The following FHOD3 variants were observed in gnomAD, a reference collection of about 807,000 sequenced individuals.
FHOD3 encodes formin homology 2 domain containing 3.
A neutral mutation model predicts 173.0 loss-of-function variants in FHOD3; 90 were observed. That is an observed-to-expected ratio of 0.52 (90% CI 0.44 to 0.62). The LOEUF is 0.62. FHOD3 is among the 20% of genes least tolerant of loss of function. The pLI is 0.00. For synonymous variants in FHOD3, 828 were observed against 823.0 expected, an observed-to-expected ratio of 1.01 and a Z score of -0.10; for missense variants, 1,945 against 2,034.7, an observed-to-expected ratio of 0.96 and a Z score of 0.85.
intron 23 of FHOD3, among the ~76,000 whole-genome samples, chr18:36,744,663 C>T (rs560996229): frequency 1.3e-5 from 2 of 152,320 alleles, no homozygotes; most frequent in East Asian, 1.9e-4. Context: ...TGATCTTGCC[C>T]AGAGGGAACA....
chr18:36,612,099 C>G lies in FHOD3; in HGVS notation c.957+4C>G, dbSNP rs906256113. On this transcript the variant is annotated splice_donor_region_variant and intron_variant, in intron 9 of 28. Coordinates refer to ENST00000590592, the MANE Select transcript of FHOD3 (RefSeq NM_001281740.3). ...GGAGCAACTCAACATTTATGAGGTA[C>G]CAGACCATGCCTTTTGTAAGGTATC... is the stretch of plus-strand genomic sequence containing the variant. 98 of 1,612,038 alleles carry G rather than the reference C, an allele frequency of 6.1e-5. No individual in the cohort carries two copies. Among genetic ancestry groups the G allele is most frequent in the Non-Finnish European group, 7.8e-5 (92 of 1,179,314 alleles).
intron 10 of FHOD3, among the ~76,000 whole-genome samples, chr18:36,628,786 T>G (rs950377775): frequency 5.9e-5 from 9 of 152,188 alleles, no homozygotes; most frequent in African/African-American, 2.2e-4. Context: ...TCCCAAGAGA[T>G]GGGGTACACT....
chr18:36,551,090 T>C (rs915092801), intron 5 of FHOD3, among the ~76,000 whole-genome samples: 3 of 152,222 alleles, frequency 2.0e-5, no homozygotes, highest in African/African-American at 7.2e-5. Context: ...AAGTTTCCTT[T>C]TATTTCTTGT....
intron 28 of FHOD3, among the ~76,000 whole-genome samples, chr18:36,775,955 G>A (rs1225993160): frequency 2.0e-5 from 3 of 152,196 alleles, no homozygotes; most frequent in Non-Finnish European, 4.4e-5. Flanking sequence ...CCGTGGGAAA[G>A]GCTGGAGAGC....
rs73949458 is a variant in FHOD3, at chr18:36,386,729, C to A, written c.337+13985C>A. On this transcript the variant is annotated intron_variant, in intron 3 of 28. Coordinates refer to ENST00000590592, the MANE Select transcript of FHOD3 (RefSeq NM_001281740.3). ...GCTGGGCTGCAAGTTCTAGGTGTGGCCCTGCCTCCCCTCGGCTGTCCCCAG... is the reference window on the plus strand; with the variant it reads ...GCTGGGCTGCAAGTTCTAGGTGTGGACCTGCCTCCCCTCGGCTGTCCCCAG... Among the ~76,000 whole-genome samples, 813 of 152,306 alleles carry A rather than the reference C, an allele frequency of 5.3e-3. 10 individuals are homozygous for A. Among genetic ancestry groups the A allele is most frequent in the African/African-American group, 0.018 (766 of 41,574 alleles).
At chr18:36,687,689 C>T (rs1451050367) in intron 16 of FHOD3, among the ~76,000 whole-genome samples, 2 of 152,160 alleles carry the variant, frequency 1.3e-5, no homozygotes, top group African/African-American at 4.8e-5. Flanking sequence ...TTCCCCAGTA[C>T]CCACCACAGT....
intron 10 of FHOD3, among the ~76,000 whole-genome samples, chr18:36,643,980 G>A (rs1476434400): frequency 2.6e-5 from 4 of 152,120 alleles, no homozygotes; most frequent in Non-Finnish European, 5.9e-5. Flanking sequence ...TTGGAAGCCC[G>A]AGAAACATGA....
At chr18:36,714,794 T>C (rs2040358936) in intron 18 of FHOD3, among the ~76,000 whole-genome samples, 1 of 152,204 alleles carries the variant, frequency 6.6e-6, no homozygotes, top group Non-Finnish European at 1.5e-5. Flanking sequence ...ATATTTTGTT[T>C]GTAAAACCTA....
At chr18:36,375,096 G>A (rs1183174164) in intron 3 of FHOD3, among the ~76,000 whole-genome samples, 1 of 152,210 alleles carries the variant, frequency 6.6e-6, no homozygotes, top group Admixed American at 6.5e-5. Context: ...AATGGAATGT[G>A]TGCAATCATG....
chr18:36,642,513 G>A (rs1335841564), intron 10 of FHOD3, among the ~76,000 whole-genome samples: 5 of 149,974 alleles, frequency 3.3e-5, no homozygotes, highest in African/African-American at 4.9e-5. Context: ...CAGCTAGGAG[G>A]CGGAGCTTAC....
At chr18:36,389,032 C>T (rs1193746295) in intron 3 of FHOD3, among the ~76,000 whole-genome samples, 1 of 152,098 alleles carries the variant, frequency 6.6e-6, no homozygotes, top group Non-Finnish European at 1.5e-5. Flanking sequence ...GAGCGGTCAG[C>T]CTGCCAGTGT....
chr18:36,571,201 T>C (rs927261562), intron 5 of FHOD3, among the ~76,000 whole-genome samples: 14 of 152,172 alleles, frequency 9.2e-5, no homozygotes, highest in Non-Finnish European at 2.9e-5. Flanking sequence ...ATATACAAAT[T>C]CAATTTTGTT....
intron 15 of FHOD3, among the ~76,000 whole-genome samples, chr18:36,684,876 C>A (rs1414215954): frequency 6.6e-6 from 1 of 152,158 alleles, no homozygotes; most frequent in African/African-American, 2.4e-5. Flanking sequence ...CATCTTGGCT[C>A]ACTGCAGCCT....
chr18:36,740,043 G>C (rs1484048219), intron 20 of FHOD3, among the ~76,000 whole-genome samples: 1 of 152,186 alleles, frequency 6.6e-6, no homozygotes. Flanking sequence ...AAAGGAATTT[G>C]AGCGTAGGAG....
rs751095530 is a variant in FHOD3 at position 36,594,913 on chromosome 18, C to T, written c.718+15C>T. 1.9e-6 allele frequency: 3 copies of T among 1,551,006 alleles called. No individual in the cohort carries two copies. The highest frequency in any genetic ancestry group is 2.3e-5 in the South Asian group (2 of 88,446). ...CACGAAAAGAGGTGAGTAGTCCCTG[C>T]CCCCTTATGTCATGAAGGTGAAGGT... is the stretch of plus-strand genomic sequence containing the variant. On this transcript the variant is annotated intron_variant, in intron 7 of 28. Transcript: ENST00000590592.
chr18:36,331,866 AC>A (rs1252009822), intron 1 of FHOD3, among the ~76,000 whole-genome samples: 2 of 152,068 alleles, frequency 1.3e-5, no homozygotes, highest in African/African-American at 4.8e-5. Context: ...TGGGAGACAA[AC>A]CTGGGGGCAG....
chr18:36,471,323 C>T (rs907606150), intron 3 of FHOD3, among the ~76,000 whole-genome samples: 7 of 152,178 alleles, frequency 4.6e-5, no homozygotes, highest in African/African-American at 1.7e-4. Flanking sequence ...CTGCCTGACC[C>T]GAGCCAGCTT....
intron 10 of FHOD3, among the ~76,000 whole-genome samples, chr18:36,639,818 T>G (rs1012204598): frequency 2.3e-5 from 3 of 131,086 alleles, no homozygotes; most frequent in African/African-American, 9.8e-5. Flanking sequence ...TAAAGTGTTT[T>G]TTTTTTTTTT....
chr18:36,695,019 T>A (rs2039191872), intron 17 of FHOD3, among the ~76,000 whole-genome samples: 1 of 151,650 alleles, frequency 6.6e-6, no homozygotes. Context: ...GTAGTATGCA[T>A]TTGGGGAAGA....
Sources: gnomAD v4.1 joint callset for allele counts (sites outside exome capture counted in the v4.1 genomes callset) on GRCh38, gnomAD v4.1.1 for gene constraint, MANE v1.5 for transcripts, NCBI Gene and HGNC (gene_info 2026-07-23, HGNC 2026-07-21) for gene names.